SENP7: variants seen among roughly 807,000 people sequenced by gnomAD.
SENP7 encodes sentrin-specific protease 7.
A neutral mutation model predicts 141.2 loss-of-function variants in SENP7; 64 were observed. The ratio of observed to expected loss-of-function variants is 0.45; its 90% CI spans 0.37 to 0.56. The LOEUF (loss-of-function observed/expected upper bound fraction) is 0.56. Ranked by LOEUF, SENP7 falls within the 20% of genes least tolerant of loss-of-function variation. The pLI, the probability that SENP7 is intolerant of heterozygous loss-of-function variation, is 0.00. For synonymous variants in SENP7, 382 were observed against 426.4 expected, an observed-to-expected ratio of 0.90 and a Z score of 1.28; for missense variants, 1,025 against 1,212.2, an observed-to-expected ratio of 0.85 and a Z score of 2.29.
intron 5 of SENP7, among the ~76,000 whole-genome samples, chr3:101,405,673 A>G (rs2107607066): frequency 6.6e-6 from 1 of 152,344 alleles, no homozygotes; most frequent in South Asian, 2.1e-4. Context: ...AAGGAAGTCC[A>G]AAAAATGATA....
intron 10 of SENP7, among the ~76,000 whole-genome samples, chr3:101,362,940 T>G (rs1409084124): frequency 2.6e-5 from 4 of 152,228 alleles, no homozygotes; most frequent in Admixed American, 2.6e-4. Flanking sequence ...GATGACTTTT[T>G]CAACTTTTTC....
At chr3:101,451,721 T>TA (rs1243070122) in intron 4 of SENP7, among the ~76,000 whole-genome samples, 1 of 152,138 alleles carries the variant, frequency 6.6e-6, no homozygotes, top group African/African-American at 2.4e-5. Context: ...CTCAAAATAA[T>TA]AAGAGCTATC....
At chr3:101,440,669 A>C (rs1278204632) in intron 4 of SENP7, among the ~76,000 whole-genome samples, 1 of 152,056 alleles carries the variant, frequency 6.6e-6, no homozygotes, top group Non-Finnish European at 1.5e-5. Context: ...AACTCATTCT[A>C]TAATGACAGT....
At chr3:101,369,936 A>G (rs2060132131) in intron 7 of SENP7, among the ~76,000 whole-genome samples, 1 of 152,176 alleles carries the variant, frequency 6.6e-6, no homozygotes, top group Non-Finnish European at 1.5e-5. Flanking sequence ...CCAAGGTATT[A>G]TGTTGGTGAA....
chr3:101,341,295 T>C (rs1053890342), intron 15 of SENP7, among the ~76,000 whole-genome samples: 3 of 152,220 alleles, frequency 2.0e-5, no homozygotes, highest in Non-Finnish European at 4.4e-5. Context: ...AATTGAAGCA[T>C]ATTTCAGTAA....
At chr3:101,465,168 C>T (rs2063719904) in intron 3 of SENP7, among the ~76,000 whole-genome samples, 1 of 152,044 alleles carries the variant, frequency 6.6e-6, no homozygotes, top group Non-Finnish European at 1.5e-5. Flanking sequence ...TGAAGGGAGA[C>T]CCACTCTGCC....
At chr3:101,362,352 A>G (rs1037163731) in intron 10 of SENP7, among the ~76,000 whole-genome samples, 2 of 152,220 alleles carry the variant, frequency 1.3e-5, no homozygotes, top group African/African-American at 2.4e-5. Flanking sequence ...AAATCATGCG[A>G]TTAGTAAGAA....
At chr3:101,453,710 C>G (rs1404608007) in intron 4 of SENP7, among the ~76,000 whole-genome samples, 3 of 150,668 alleles carry the variant, frequency 2.0e-5, no homozygotes, top group Non-Finnish European at 4.4e-5. Context: ...ACACCGGGGC[C>G]TGTTGTGGGG....
intron 4 of SENP7, chr3:101,457,768 G>A (rs2063404597): frequency 2.8e-6 from 2 of 703,666 alleles, no homozygotes; most frequent in Admixed American, 5.0e-5. Flanking sequence ...GAGAACTAGG[G>A]TTGGTGCTAA....
intron 12 of SENP7, among the ~76,000 whole-genome samples, chr3:101,348,382 T>C (rs1437179741): frequency 6.6e-6 from 1 of 152,092 alleles, no homozygotes; most frequent in African/African-American, 2.4e-5. Context: ...GCATAAAAAC[T>C]CTGTCTGGAG....
intron 6 of SENP7, among the ~76,000 whole-genome samples, chr3:101,394,339 TCC>T (rs1232461161): frequency 1.3e-5 from 2 of 152,190 alleles, no homozygotes; most frequent in African/African-American, 4.8e-5. Context: ...ATTTCCATTA[TCC>T]ACTGATGGGA....
intron 4 of SENP7, among the ~76,000 whole-genome samples, chr3:101,443,231 G>A (rs548645874): frequency 6.6e-6 from 1 of 152,106 alleles, no homozygotes; most frequent in Non-Finnish European, 1.5e-5. Context: ...GCTTGTTTTT[G>A]TTAGGTTTGT....
chr3:101,381,224 T>C (rs1469624012), intron 6 of SENP7, among the ~76,000 whole-genome samples: 1 of 152,232 alleles, frequency 6.6e-6, no homozygotes, highest in East Asian at 1.9e-4. Flanking sequence ...CATTATGTTT[T>C]TTAACTTAAA....
intron 15 of SENP7, among the ~76,000 whole-genome samples, chr3:101,340,938 A>G (rs1449019836): frequency 4.6e-5 from 7 of 152,220 alleles, no homozygotes; most frequent in Admixed American, 1.3e-4. Flanking sequence ...TGAAAAATGT[A>G]GTCAGTAATG....
chr3:101,507,026 A>T (rs911224966), intron 1 of SENP7, among the ~76,000 whole-genome samples: 7 of 148,518 alleles, frequency 4.7e-5, no homozygotes, highest in Non-Finnish European at 7.4e-5. Context: ...GTGCCACTGC[A>T]CTCCAGCCTA....
At chr3:101,376,635 G>A (rs1401226859) in intron 6 of SENP7, among the ~76,000 whole-genome samples, 3 of 152,002 alleles carry the variant, frequency 2.0e-5, no homozygotes, top group Non-Finnish European at 4.4e-5. Context: ...GGACTGTTGT[G>A]GGGTGGGGGG....
intron 7 of SENP7, among the ~76,000 whole-genome samples, chr3:101,368,218 A>T (rs1381972341): frequency 6.6e-6 from 1 of 152,122 alleles, no homozygotes; most frequent in African/African-American, 2.4e-5. Context: ...AATGTTCATT[A>T]TACAATAGTT....
chr3:101,460,784 A>G (rs1320022303), intron 3 of SENP7, among the ~76,000 whole-genome samples: 5 of 152,168 alleles, frequency 3.3e-5, no homozygotes, highest in African/African-American at 1.2e-4. Flanking sequence ...AATATTTGCA[A>G]ATAATATAAC....
chr3:101,350,179 A>G (rs2059577398), intron 12 of SENP7, among the ~76,000 whole-genome samples: 1 of 152,204 alleles, frequency 6.6e-6, no homozygotes, highest in South Asian at 2.1e-4. Flanking sequence ...GACAGAATAG[A>G]AAAATGCAAC....
Sources: allele counts gnomAD v4.1 joint callset (sites outside exome capture counted in the v4.1 genomes callset), GRCh38; gene constraint gnomAD v4.1.1; transcripts MANE v1.5; gene names NCBI Gene and HGNC (gene_info 2026-07-23, HGNC 2026-07-21).